SETBP1: variants seen among roughly 807,000 people sequenced by gnomAD.
SETBP1 encodes the protein SET binding protein 1, also known as SET-binding protein.
Under a neutral mutation model 101.0 loss-of-function variants are expected in SETBP1, and 9 were observed. That is an observed-to-expected ratio of 0.09 (90% CI 0.05 to 0.16). The LOEUF (loss-of-function observed/expected upper bound fraction) is 0.16. Among genes scored for constraint, SETBP1 ranks in the 10% least tolerant of loss-of-function variants. SETBP1 has a pLI of 1.00. For missense variants in SETBP1, 1,858 were observed against 2,033.8 expected, an observed-to-expected ratio of 0.91 and a Z score of 1.66; for synonymous variants, 818 against 788.5, an observed-to-expected ratio of 1.04 and a Z score of -0.63.
At chr18:45,004,836 G>A (rs1461698038) in intron 4 of SETBP1, among the ~76,000 whole-genome samples, 1 of 152,174 alleles carries the variant, frequency 6.6e-6, no homozygotes. Flanking sequence ...CAAGATTAGA[G>A]AATGGTTTGC....
At chr18:44,909,986 C>T (rs952667361) in intron 3 of SETBP1, among the ~76,000 whole-genome samples, 1 of 152,174 alleles carries the variant, frequency 6.6e-6, no homozygotes, top group African/African-American at 2.4e-5. Flanking sequence ...TCCAAGATTC[C>T]GTAGATTACA....
chr18:44,709,378 C>T (rs2069291056), intron 2 of SETBP1, among the ~76,000 whole-genome samples: 1 of 152,172 alleles, frequency 6.6e-6, no homozygotes, highest in African/African-American at 2.4e-5. Flanking sequence ...AAAGAGCCTC[C>T]ACTCTGGAAG....
In SETBP1 at chr18:44,773,372, C is replaced by G. The variant is rs190294519; in HGVS notation, c.486+71540C>G. 6.4e-4 allele frequency among the ~76,000 whole-genome samples: 97 copies of G among 152,128 alleles called. 1 individual carries two copies. Among genetic ancestry groups the G allele is most frequent in the African/African-American group, 2.2e-3 (93 of 41,480 alleles). Reference sequence around the variant, plus strand: ...AGTGGGCCTTAGTTACAGACATGGCCCCAAAGGAATCATAGCAAGCTTGGC... The same window carrying G: ...AGTGGGCCTTAGTTACAGACATGGCGCCAAAGGAATCATAGCAAGCTTGGC... On this transcript the variant is annotated intron_variant, in intron 2 of 5. Coordinates refer to ENST00000649279, the MANE Select transcript of SETBP1 (RefSeq NM_015559.3).
chr18:44,694,495 C>T (rs772707442), intron 1 of SETBP1, among the ~76,000 whole-genome samples: 8 of 152,134 alleles, frequency 5.3e-5, no homozygotes, highest in East Asian at 1.9e-4. Flanking sequence ...TACAGACATG[C>T]GCCACCGCAC....
intron 4 of SETBP1, among the ~76,000 whole-genome samples, chr18:45,028,306 C>A (rs2073213942): frequency 6.6e-6 from 1 of 151,832 alleles, no homozygotes; most frequent in African/African-American, 2.4e-5. Context: ...TGATGATTTC[C>A]AATTTCATCC....
Position 44,952,842 on chromosome 18 carries a change from G to A in SETBP1, c.3502G>A (p.Asp1168Asn). 1 of 1,614,126 alleles carries A rather than the reference G, an allele frequency of 6.2e-7. No homozygotes were observed. The highest frequency in any genetic ancestry group is 8.5e-7 in the Non-Finnish European group (1 of 1,180,038). ...HKEDRILGTH[D>N]NLSGLFAGKA... The stretch of plus-strand genomic sequence containing the variant: ...GGAAGACCGGATCCTAGGGACCCAT[G>A]ACAACCTGAGTGGTCTTTTTGCAGG... Residue 1168 changes from aspartate (D) to asparagine (N), a missense_variant, in exon 4 of 6, where the codon GAC (aspartate) becomes AAC (asparagine). By Grantham distance (23) the Asp-to-Asn change is conservative (BLOSUM62 1). Around this residue, in one of 12 missense-constraint regions of SETBP1, gnomAD observed 417 missense variants for 389.1 expected, o/e 1.07. Coordinates refer to ENST00000649279, the MANE Select transcript of SETBP1 (RefSeq NM_015559.3).
intron 2 of SETBP1, among the ~76,000 whole-genome samples, chr18:44,790,388 G>A (rs1469856926): frequency 6.6e-6 from 1 of 152,140 alleles, no homozygotes; most frequent in African/African-American, 2.4e-5. Context: ...CAAAGATTTT[G>A]TTGCCTGAGC....
Position 45,064,415 on chromosome 18 carries a change from C to T in SETBP1, c.*717C>T, listed in dbSNP as rs2073941216. On this transcript the variant is annotated 3_prime_UTR_variant, in exon 6 of 6. Coordinates refer to ENST00000649279, the MANE Select transcript of SETBP1 (RefSeq NM_015559.3). Reference sequence around the variant, plus strand: ...CCCATTGTACTTCCATATATCTTTTCATTAACTTACTTGCTGCCTTTTTTT... The same window carrying T: ...CCCATTGTACTTCCATATATCTTTTTATTAACTTACTTGCTGCCTTTTTTT... 6.6e-6 allele frequency: 1 copy of T among 151,784 alleles called. No homozygotes were observed. The highest frequency in any genetic ancestry group is 1.5e-5 in the Non-Finnish European group (1 of 67,948). 9.4% of individuals were successfully genotyped at this position (151,784 alleles called of 1,614,324 possible).
intron 2 of SETBP1, among the ~76,000 whole-genome samples, chr18:44,765,327 T>C (rs116750118): frequency 0.011 from 1,723 of 152,290 alleles, 33 homozygotes; most frequent in African/African-American, 0.039. Flanking sequence ...CCCATTGGTT[T>C]TGTTTCTCTC....
chr18:44,996,951 C>T (rs537401643), intron 4 of SETBP1, among the ~76,000 whole-genome samples: 2 of 152,296 alleles, frequency 1.3e-5, no homozygotes, highest in Non-Finnish European at 2.9e-5. Flanking sequence ...TCTCAGCTGA[C>T]GGGAGTATCC....
chr18:44,859,993 A>G (rs1348308250), intron 2 of SETBP1, among the ~76,000 whole-genome samples: 1 of 152,178 alleles, frequency 6.6e-6, no homozygotes, highest in Non-Finnish European at 1.5e-5. Context: ...CGGTGCTCAG[A>G]TACTCTCTGA....
intron 4 of SETBP1, among the ~76,000 whole-genome samples, chr18:45,013,472 C>T (rs529282485): frequency 5.6e-4 from 83 of 147,876 alleles, no homozygotes; most frequent in African/African-American, 2.1e-3. Context: ...CAGAGTCTTG[C>T]TCTGTCACCC....
At chr18:45,051,075 G>C (rs2073712671) in intron 5 of SETBP1, among the ~76,000 whole-genome samples, 1 of 152,102 alleles carries the variant, frequency 6.6e-6, no homozygotes, top group Admixed American at 6.6e-5. Flanking sequence ...TGATGATCCA[G>C]GCCCTTATTT....
Position 45,059,864 on chromosome 18 carries a change from G to A in SETBP1, c.4172-3215G>A, listed in dbSNP as rs1042212732. 2.0e-5 allele frequency among the ~76,000 whole-genome samples: 3 copies of A among 152,272 alleles called. No individual in the cohort carries two copies. The South Asian group carries it at 6.2e-4, about 32-fold the overall frequency. Reference sequence around the variant, plus strand: ...AAACTCTATGAGGTTGCCTTGGGGGGAAGTAGATGTTGAGTAGTAGGTGAG... The same window carrying A: ...AAACTCTATGAGGTTGCCTTGGGGGAAAGTAGATGTTGAGTAGTAGGTGAG... On this transcript the variant is annotated intron_variant, in intron 5 of 5. Coordinates refer to ENST00000649279, the MANE Select transcript of SETBP1 (RefSeq NM_015559.3).
At chr18:44,910,915 T>C (rs1215760150) in intron 3 of SETBP1, among the ~76,000 whole-genome samples, 4 of 152,162 alleles carry the variant, frequency 2.6e-5, no homozygotes, top group Non-Finnish European at 5.9e-5. Context: ...TACATTATTC[T>C]AACTTGCCAC....
Position 44,952,841 on chromosome 18 carries a change from T to C in SETBP1, c.3501T>C (p.His1167=). The C allele has an allele frequency of 6.2e-7, 1 of 1,614,100 alleles. No individual in the cohort carries two copies. The highest frequency in any genetic ancestry group is 8.5e-7 in the Non-Finnish European group (1 of 1,180,026). Residue 1167 remains histidine, a synonymous_variant, in exon 4 of 6, where the codon CAT becomes CAC. Coordinates refer to ENST00000649279, the MANE Select transcript of SETBP1 (RefSeq NM_015559.3). ...AGGAAGACCGGATCCTAGGGACCCATGACAACCTGAGTGGTCTTTTTGCAG... is the reference window on the plus strand; with the variant it reads ...AGGAAGACCGGATCCTAGGGACCCACGACAACCTGAGTGGTCTTTTTGCAG... ...KHKEDRILGT[H]DNLSGLFAGK...
At chr18:45,010,457 G>A (rs2072815488) in intron 4 of SETBP1, among the ~76,000 whole-genome samples, 1 of 152,180 alleles carries the variant, frequency 6.6e-6, no homozygotes. Context: ...AACTTCTTAG[G>A]AACTTGACAG....
chr18:45,062,096 T>C (rs2145588991), intron 5 of SETBP1, among the ~76,000 whole-genome samples: 1 of 152,332 alleles, frequency 6.6e-6, no homozygotes, highest in South Asian at 2.1e-4. Flanking sequence ...GGAGAAAGAA[T>C]GATCTGCAGG....
chr18:44,824,480 A>ATT (rs2072189536), intron 2 of SETBP1, among the ~76,000 whole-genome samples: 1 of 152,126 alleles, frequency 6.6e-6, no homozygotes, highest in Non-Finnish European at 1.5e-5. Flanking sequence ...ATTTATTCAT[A>ATT]ATTTTAACAA....
Sources: allele counts gnomAD v4.1 joint callset (sites outside exome capture counted in the v4.1 genomes callset), GRCh38; gene constraint gnomAD v4.1.1; regional missense constraint gnomAD v4.1.1; transcripts MANE v1.5; gene names NCBI Gene and HGNC (gene_info 2026-07-23, HGNC 2026-07-21).